Variants in CDK19 observed in about 807,000 individuals in gnomAD.
CDK19 encodes the protein cyclin dependent kinase 19, also known as cyclin-dependent kinase 19.
A neutral mutation model predicts 68.3 loss-of-function variants in CDK19; 20 were observed. That is an observed-to-expected ratio of 0.29 (90% CI 0.21 to 0.43). CDK19 has a LOEUF of 0.43. CDK19 is among the 20% of genes least tolerant of loss of function. The pLI, the probability that CDK19 is intolerant of heterozygous loss-of-function variation, is 1.00. For missense variants in CDK19, 339 were observed against 623.5 expected, an observed-to-expected ratio of 0.54 and a Z score of 4.86; for synonymous variants, 221 against 222.8, an observed-to-expected ratio of 0.99 and a Z score of 0.07.
At chr6:110,678,609 T>C (rs990990164) in intron 2 of CDK19, among the ~76,000 whole-genome samples, 3 of 152,188 alleles carry the variant, frequency 2.0e-5, no homozygotes, top group African/African-American at 7.2e-5. Context: ...GTACTAACAC[T>C]TTCAAACATA....
intron 1 of CDK19, among the ~76,000 whole-genome samples, chr6:110,799,754 T>C (rs1002112230): frequency 1.3e-5 from 2 of 152,072 alleles, no homozygotes; most frequent in African/African-American, 4.8e-5. Flanking sequence ...TGCACCACTA[T>C]ACCCAGCTAG....
chr6:110,740,148 T>G (rs1323606667), intron 2 of CDK19, among the ~76,000 whole-genome samples: 1 of 152,156 alleles, frequency 6.6e-6, no homozygotes, highest in Non-Finnish European at 1.5e-5. Context: ...TTTTGAGTGT[T>G]GACATAACAG....
upstream of CDK19, chr6:110,815,855 G>A (rs917625258): frequency 2.6e-5 from 4 of 152,492 alleles, no homozygotes; most frequent in Non-Finnish European, 5.9e-5. Context: ...GGGCTGGTGA[G>A]GACAGTTGTA....
intron 1 of CDK19, among the ~76,000 whole-genome samples, chr6:110,793,029 C>G (rs1028206076): frequency 2.6e-5 from 4 of 152,136 alleles, no homozygotes; most frequent in Admixed American, 2.6e-4. Context: ...CACTGCTAGA[C>G]AGTATTTATT....
intron 4 of CDK19, among the ~76,000 whole-genome samples, chr6:110,642,039 A>G (rs920888416): frequency 3.9e-5 from 6 of 152,054 alleles, no homozygotes; most frequent in Non-Finnish European, 7.4e-5. Context: ...GTGGTGGCTC[A>G]CGCCTGTAAT....
chr6:110,681,231 A>G (rs1430482736), intron 2 of CDK19, among the ~76,000 whole-genome samples: 1 of 151,792 alleles, frequency 6.6e-6, no homozygotes, highest in Non-Finnish European at 1.5e-5. Context: ...CTGTAGTCCC[A>G]GCTACTCGAG....
chr6:110,675,001 C>A (rs1354449812), intron 2 of CDK19, among the ~76,000 whole-genome samples: 1 of 151,764 alleles, frequency 6.6e-6, no homozygotes, highest in East Asian at 1.9e-4. Context: ...GAAGAAAAGG[C>A]TGAAGCTAAC....
chr6:110,627,754 C>T (rs747230969), intron 6 of CDK19, among the ~76,000 whole-genome samples: 3 of 152,106 alleles, frequency 2.0e-5, no homozygotes, highest in Admixed American at 6.6e-5. Context: ...CATTAAAGTA[C>T]TCAATTGATA....
intron 1 of CDK19, among the ~76,000 whole-genome samples, chr6:110,781,157 TGG>T (rs1780786153): frequency 6.6e-6 from 1 of 152,190 alleles, no homozygotes; most frequent in South Asian, 2.1e-4. Flanking sequence ...ATTTGGCTCA[TGG>T]TTCTGCAGGC....
chr6:110,703,831 C>A (rs996302313), intron 2 of CDK19, among the ~76,000 whole-genome samples: 1 of 152,040 alleles, frequency 6.6e-6, no homozygotes, highest in Non-Finnish European at 1.5e-5. Context: ...CAGAGCAAGA[C>A]CCTGTTTCTA....
At chr6:110,756,681 ACG>A (rs2114930638) in intron 1 of CDK19, among the ~76,000 whole-genome samples, 1 of 152,256 alleles carries the variant, frequency 6.6e-6, no homozygotes, top group South Asian at 2.1e-4. Flanking sequence ...GTGTATATTT[ACG>A]TGTGTGTGTG....
chr6:110,798,766 CA>C (rs1160248713), intron 1 of CDK19, among the ~76,000 whole-genome samples: 4 of 151,162 alleles, frequency 2.6e-5, no homozygotes, highest in Non-Finnish European at 5.9e-5. Context: ...GCCAAACTAT[CA>C]ATCAAGTATG....
chr6:110,787,832 GTTTT>G (rs1264720618), intron 1 of CDK19, among the ~76,000 whole-genome samples: 1 of 151,426 alleles, frequency 6.6e-6, no homozygotes, highest in African/African-American at 2.4e-5. Context: ...GGGTTTTGCG[GTTTT>G]TTTGTTTGTT....
chr6:110,619,678 A>G (rs1473589980), intron 12 of CDK19, among the ~76,000 whole-genome samples: 1 of 152,004 alleles, frequency 6.6e-6, no homozygotes, highest in East Asian at 1.9e-4. Context: ...CAGTCAGTTT[A>G]GCCAGAGACC....
intron 2 of CDK19, among the ~76,000 whole-genome samples, chr6:110,709,604 T>C (rs907732797): frequency 6.6e-6 from 1 of 151,740 alleles, no homozygotes; most frequent in African/African-American, 2.4e-5. Flanking sequence ...AAATAGCAAA[T>C]AGACTTTCTA....
intron 2 of CDK19, among the ~76,000 whole-genome samples, chr6:110,670,950 CTCAT>C: frequency 6.6e-6 from 1 of 152,062 alleles, no homozygotes; most frequent in Non-Finnish European, 1.5e-5. Flanking sequence ...GGAGGCAGGA[CTCAT>C]GTATTAATAC....
intron 1 of CDK19, among the ~76,000 whole-genome samples, chr6:110,757,949 AGGAGGCCAAGGT>A (rs780880186): frequency 6.6e-5 from 10 of 152,118 alleles, no homozygotes; most frequent in Non-Finnish European, 8.8e-5. Flanking sequence ...CCAGCACTTT[AGGAGGCCAAGGT>A]GGGTGAATTG....
chr6:110,641,633 A>T (rs1582752051), intron 4 of CDK19, among the ~76,000 whole-genome samples: 1 of 106,400 alleles, frequency 9.4e-6, no homozygotes, highest in Non-Finnish European at 1.9e-5. Context: ...AGAGGAAAGG[A>T]GGAAAGGGAA....
intron 2 of CDK19, among the ~76,000 whole-genome samples, chr6:110,739,879 A>G (rs1777526746): frequency 1.3e-5 from 2 of 151,906 alleles, no homozygotes; most frequent in South Asian, 4.1e-4. Context: ...GCCTCAAGCA[A>G]TCATCCCACC....
Sources: gnomAD v4.1 joint callset for allele counts (sites outside exome capture counted in the v4.1 genomes callset) on GRCh38, gnomAD v4.1.1 for gene constraint, MANE v1.5 for transcripts, NCBI Gene and HGNC (gene_info 2026-07-23, HGNC 2026-07-21) for gene names.